ALK: variants seen among roughly 807,000 people sequenced by gnomAD.
ALK encodes ALK receptor tyrosine kinase.
Under a neutral mutation model 163.1 loss-of-function variants are expected in ALK, and 74 were observed. The ratio of observed to expected loss-of-function variants is 0.45; its 90% confidence interval spans 0.38 to 0.55. ALK has a LOEUF of 0.55. Ranked by LOEUF, ALK falls within the 20% of genes least tolerant of loss-of-function variation. The probability of loss-of-function intolerance (pLI) is 0.00; values close to 1 mark genes in which losing one functional copy is unlikely to be tolerated. For synonymous variants in ALK, 960 were observed against 843.2 expected (o/e 1.14, Z -2.40); for missense variants, 2,063 against 2,105.3 (o/e 0.98, Z 0.39).
chr2:29,193,160 A>G lies in ALK; in HGVS notation c.*64T>C. The G allele has an allele frequency of 6.7e-7, 1 of 1,488,746 alleles. No homozygotes were observed. The allele number at this position is 1,488,746 out of a possible 1,614,324, so 92.2% of individuals were successfully genotyped here. Reference sequence around the variant, plus strand: ...TTGGTCTCTGGTTTGTGAAGGAGCCATTGCCTCTCTCTCCTCCACGGTCTT... The same window carrying G: ...TTGGTCTCTGGTTTGTGAAGGAGCCGTTGCCTCTCTCTCCTCCACGGTCTT... On this transcript the variant is annotated 3_prime_UTR_variant, in exon 29 of 29. Transcript: ENST00000389048.
At chr2:29,849,190 C>T (rs1202901158) in intron 1 of ALK, among the ~76,000 whole-genome samples, 1 of 152,236 alleles carries the variant, frequency 6.6e-6, no homozygotes, top group African/African-American at 2.4e-5. Flanking sequence ...TCCCCACCAG[C>T]TGCTCTGGGG....
intron 3 of ALK, among the ~76,000 whole-genome samples, chr2:29,654,182 C>T (rs772274866): frequency 2.3e-4 from 35 of 152,082 alleles, no homozygotes; most frequent in African/African-American, 6.8e-4. Context: ...ATTTTTCAGA[C>T]GAGAAAACAG....
chr2:29,749,228 G>T (rs1402596419), intron 1 of ALK, among the ~76,000 whole-genome samples: 2 of 152,192 alleles, frequency 1.3e-5, no homozygotes, highest in Admixed American at 1.3e-4. Flanking sequence ...TGGAGCCCAA[G>T]AATTCACATT....
chr2:29,618,490 T>G (rs1387965960), intron 3 of ALK, among the ~76,000 whole-genome samples: 1 of 152,018 alleles, frequency 6.6e-6, no homozygotes, highest in East Asian at 1.9e-4. Context: ...AATGTCACTC[T>G]GTCCCTGAAC....
chr2:29,655,773 G>A (rs932475564), intron 3 of ALK, among the ~76,000 whole-genome samples: 1 of 152,180 alleles, frequency 6.6e-6, no homozygotes. Context: ...GAAAGAAAAT[G>A]GAAAATAAAG....
At chr2:29,554,660 G>C (rs542172436) in intron 3 of ALK, among the ~76,000 whole-genome samples, 7 of 152,280 alleles carry the variant, frequency 4.6e-5, no homozygotes, top group South Asian at 2.1e-4. Context: ...ACCTGCTACT[G>C]TCAGAGGTGT....
intron 4 of ALK, among the ~76,000 whole-genome samples, chr2:29,391,313 G>C (rs923813563): frequency 6.8e-6 from 1 of 147,682 alleles, no homozygotes; most frequent in East Asian, 2.1e-4. Context: ...TTTGGGGGGG[G>C]GGTGGTGGTG....
intron 4 of ALK, among the ~76,000 whole-genome samples, chr2:29,503,071 G>C (rs72794467): frequency 0.068 from 10,314 of 152,272 alleles, 482 homozygotes; most frequent in Non-Finnish European, 0.1. Flanking sequence ...TGATGTCTTC[G>C]CAGTTGTAAC....
At position 29,251,152 on chromosome 2, in the gene ALK, G is replaced by A. The variant is rs1283489666; in HGVS notation, c.2157C>T (p.Pro719=). 1.2e-6 allele frequency: 2 copies of A among 1,614,140 alleles called. No homozygotes were observed. The highest frequency in any genetic ancestry group is 1.7e-6 in the Non-Finnish European group (2 of 1,180,014). The change falls in exon 12 of 29, where the codon CCC becomes CCT. Residue 719 remains proline, a synonymous_variant. Transcript: ENST00000389048. ...NLSVEVGSEG[P]LKGIQIWKVP... ...CCTTCCAGATCTGGATGCCTTTCAG[G>A]GGGCCCTCGCTCCCCACCTCCACGC... is the stretch of plus-strand genomic sequence containing the variant.
At chr2:29,860,936 C>G (rs1261537655) in intron 1 of ALK, among the ~76,000 whole-genome samples, 1 of 151,982 alleles carries the variant, frequency 6.6e-6, no homozygotes, top group Admixed American at 6.6e-5. Flanking sequence ...TTTGGGAGGC[C>G]AAGGCAGGTG....
At chr2:29,658,169 AT>A (rs1677243681) in intron 3 of ALK, among the ~76,000 whole-genome samples, 1 of 152,188 alleles carries the variant, frequency 6.6e-6, no homozygotes, top group Admixed American at 6.5e-5. Flanking sequence ...GGAAATGAAA[AT>A]GCTTAAAATG....
chr2:29,305,253 C>T (rs1450979312), intron 8 of ALK, among the ~76,000 whole-genome samples: 1 of 152,180 alleles, frequency 6.6e-6, no homozygotes, highest in Non-Finnish European at 1.5e-5. Context: ...CAGCTAAGGG[C>T]CTTCTTGGGG....
chr2:29,263,772 G>A (rs1379091499), intron 11 of ALK, among the ~76,000 whole-genome samples: 1 of 152,162 alleles, frequency 6.6e-6, no homozygotes, highest in Non-Finnish European at 1.5e-5. Flanking sequence ...AAGGCCAAGA[G>A]GATCTCAGAG....
intron 3 of ALK, among the ~76,000 whole-genome samples, chr2:29,689,961 C>A (rs988392556): frequency 6.6e-6 from 1 of 152,160 alleles, no homozygotes; most frequent in African/African-American, 2.4e-5. Context: ...CTCTTCAGAG[C>A]CTCCGGGAGG....
intron 6 of ALK, among the ~76,000 whole-genome samples, chr2:29,325,685 G>C (rs77756258): frequency 0.019 from 2,901 of 152,350 alleles, 52 homozygotes; most frequent in Non-Finnish European, 0.028. Flanking sequence ...CTGAATCACT[G>C]CTCAGCTTCT....
rs563917910 is a variant in ALK at position 29,822,726 on chromosome 2, GA to G, written c.667+97266del. Among the ~76,000 whole-genome samples, 96 of 152,330 alleles carry G rather than the reference GA, an allele frequency of 6.3e-4. 1 individual carries two copies. Among genetic ancestry groups the G allele is most frequent in the African/African-American group, 2.2e-3 (91 of 41,578 alleles). ...CCTTGGGGATGCAGCAAGGGAACCA[GA>G]AGAGTTACTGCAATAGGCATTAGGA... On this transcript the variant is annotated intron_variant, in intron 1 of 28. Transcript: ENST00000389048.
At chr2:29,446,095 T>A (rs1573361250) in intron 4 of ALK, among the ~76,000 whole-genome samples, 1 of 40,852 alleles carries the variant, frequency 2.4e-5, no homozygotes, top group Non-Finnish European at 4.2e-5. Flanking sequence ...CGAGACTCCG[T>A]CTCAAAAAAA....
At position 29,920,605 on chromosome 2, in the gene ALK, C is replaced by T. The variant is rs1057384991; in HGVS notation, c.55G>A (p.Val19Met). 1.3e-6 allele frequency: 2 copies of T among 1,556,702 alleles called. No homozygotes were observed. Among genetic ancestry groups the T allele is most frequent in the African/African-American group, 1.4e-5 (1 of 73,770 alleles). Residue 19 changes from valine (V) to methionine (M), a missense_variant, in exon 1 of 29, where the codon GTG becomes ATG. This residue lies in a region of ALK where 987 missense variants were observed against 939.5 expected (regional missense o/e 1.05). Coordinates refer to ENST00000389048, the MANE Select transcript of ALK (RefSeq NM_004304.5). ...TGGCCGGTCCCCATCCCGGAGCCCA[C>T]AGCTGCCGTGGAAAGCAGCAGCGGC... ...LLPLLLSTAAVGSGMGTGQRA... is the reference protein window; with the variant it reads ...LLPLLLSTAAMGSGMGTGQRA...
intron 5 of ALK, among the ~76,000 whole-genome samples, chr2:29,342,344 T>A (rs1667817360): frequency 6.6e-6 from 1 of 152,194 alleles, no homozygotes; most frequent in Non-Finnish European, 1.5e-5. Flanking sequence ...ATAAGCCAGT[T>A]TCAAAAAGAC....
Sources: allele counts gnomAD v4.1 joint callset (sites outside exome capture counted in the v4.1 genomes callset), GRCh38; gene constraint gnomAD v4.1.1; regional missense constraint gnomAD v4.1.1; transcripts MANE v1.5; gene names NCBI Gene and HGNC (gene_info 2026-07-23, HGNC 2026-07-21).